Variants in RALGAPA2 observed in about 807,000 individuals in gnomAD.
RALGAPA2 encodes ral GTPase-activating protein subunit alpha-2.
RALGAPA2 carries 139 observed loss-of-function variants against 230.4 expected under a neutral mutation model. The observed-to-expected ratio is 0.60, with a 90% CI of 0.53 to 0.69. The LOEUF is 0.69. Among genes scored for constraint, RALGAPA2 ranks in the 30% least tolerant of loss-of-function variants. The pLI, the probability that RALGAPA2 is intolerant of heterozygous loss-of-function variation, is 0.00. For missense variants in RALGAPA2, 2,163 were observed against 2,276.0 expected, an observed-to-expected ratio of 0.95 and a Z score of 1.01; for synonymous variants, 847 against 837.8, an observed-to-expected ratio of 1.01 and a Z score of -0.19.
At chr20:20,454,794 G>C (rs764989333) in intron 37 of RALGAPA2, among the ~76,000 whole-genome samples, 2 of 152,206 alleles carry the variant, frequency 1.3e-5, no homozygotes, top group Non-Finnish European at 2.9e-5. Flanking sequence ...ATGATGTTTT[G>C]TGGGAAAGTA....
At chr20:20,530,634 G>A (rs1021756872) in intron 27 of RALGAPA2, among the ~76,000 whole-genome samples, 8 of 152,198 alleles carry the variant, frequency 5.3e-5, no homozygotes, top group African/African-American at 9.6e-5. Context: ...AGTCCCAGGC[G>A]TCAGCTGTAA....
intron 36 of RALGAPA2, among the ~76,000 whole-genome samples, chr20:20,482,841 G>T (rs143525550): frequency 6.8e-4 from 104 of 152,212 alleles, no homozygotes; most frequent in Non-Finnish European, 1.3e-3. Flanking sequence ...TAAGAGAAAA[G>T]GCTGAAGAAC....
At position 20,678,911 on chromosome 20, in the gene RALGAPA2, G is replaced by A. The variant is rs991627809; in HGVS notation, c.217+1780C>T. 2.6e-5 allele frequency among the ~76,000 whole-genome samples: 4 copies of A among 152,004 alleles called. No homozygotes were observed. In the East Asian group the frequency reaches 7.7e-4, roughly 29 times the overall value. The stretch of plus-strand genomic sequence containing the variant: ...CCCAGCTGCACCTCATGCACCAATA[G>A]GCTGACTCTACATGCCTTCAATTCT... On this transcript the variant is annotated intron_variant, in intron 2 of 39. Transcript: ENST00000202677.
At chr20:20,405,596 TGAA>T (rs2059928349) in intron 38 of RALGAPA2, among the ~76,000 whole-genome samples, 2 of 152,204 alleles carry the variant, frequency 1.3e-5, no homozygotes, top group African/African-American at 4.8e-5. Context: ...AACAAAGGGA[TGAA>T]GAAGCACGAA....
chr20:20,637,070 T>TTA (rs1281106767), intron 8 of RALGAPA2, among the ~76,000 whole-genome samples: 1 of 152,190 alleles, frequency 6.6e-6, no homozygotes, highest in Non-Finnish European at 1.5e-5. Context: ...GCAGAGATTT[T>TTA]TACATTAAAA....
At chr20:20,540,068 A>T (rs890019055) in intron 24 of RALGAPA2, among the ~76,000 whole-genome samples, 3 of 152,224 alleles carry the variant, frequency 2.0e-5, no homozygotes, top group African/African-American at 7.2e-5. Context: ...TGCACTGAAC[A>T]TGGGAGTGCA....
chr20:20,710,227 CAT>C (rs1317522744), intron 1 of RALGAPA2, among the ~76,000 whole-genome samples: 1 of 152,138 alleles, frequency 6.6e-6, no homozygotes, highest in Admixed American at 6.5e-5. Context: ...TAAATACACA[CAT>C]AAAAATACAA....
intron 23 of RALGAPA2, among the ~76,000 whole-genome samples, chr20:20,547,180 A>T (rs1381391054): frequency 6.6e-6 from 1 of 152,238 alleles, no homozygotes; most frequent in Non-Finnish European, 1.5e-5. Flanking sequence ...TCTATCACTA[A>T]AACAAATGTC....
chr20:20,514,141 C>G (rs1005451414), intron 31 of RALGAPA2, among the ~76,000 whole-genome samples: 1 of 152,086 alleles, frequency 6.6e-6, no homozygotes, highest in Admixed American at 6.5e-5. Flanking sequence ...GTAGGGCCCT[C>G]TCCACTCCAT....
intron 33 of RALGAPA2, among the ~76,000 whole-genome samples, chr20:20,508,306 A>C (rs888812903): frequency 2.0e-5 from 3 of 152,238 alleles, no homozygotes; most frequent in African/African-American, 7.2e-5. Context: ...CATAAGAAGC[A>C]CACCAATGCA....
At chr20:20,619,557 A>G in intron 11 of RALGAPA2, 143 bp from the exon 12 acceptor site, 1 of 672,224 alleles carries the variant, frequency 1.5e-6, no homozygotes, top group Non-Finnish European at 2.0e-6. Flanking sequence ...CAGGATTCAC[A>G]TGAAAATAGG....
At chr20:20,648,937 G>A (rs1036039282) in intron 4 of RALGAPA2, among the ~76,000 whole-genome samples, 4 of 152,160 alleles carry the variant, frequency 2.6e-5, no homozygotes, top group Non-Finnish European at 5.9e-5. Context: ...GATGGTCAGG[G>A]AGGTGAAAGA....
chr20:20,570,023 T>C (rs2064573340), intron 23 of RALGAPA2, among the ~76,000 whole-genome samples: 1 of 152,212 alleles, frequency 6.6e-6, no homozygotes, highest in Admixed American at 6.5e-5. Flanking sequence ...TACCCTGAGT[T>C]GCATCATTCT....
At chr20:20,465,428 G>A (rs2061400070) in intron 37 of RALGAPA2, among the ~76,000 whole-genome samples, 1 of 152,148 alleles carries the variant, frequency 6.6e-6, no homozygotes, top group Admixed American at 6.5e-5. Context: ...GAGACTCCCA[G>A]GTTAGGGGTC....
At chr20:20,609,995 A>C (rs920803016) in intron 14 of RALGAPA2, among the ~76,000 whole-genome samples, 4 of 152,236 alleles carry the variant, frequency 2.6e-5, no homozygotes, top group Admixed American at 2.6e-4. Flanking sequence ...GCATTGACTC[A>C]TATTAAGTTA....
Position 20,616,177 on chromosome 20 carries a change from G to A in RALGAPA2, c.1554C>T (p.Asn518=), listed in dbSNP as rs79642473. 7.6e-4 allele frequency: 1,156 copies of A among 1,519,904 alleles called. 11 individuals carry two copies. In the African/African-American group the frequency reaches 0.015, roughly 19 times the overall value. 94.2% of individuals were successfully genotyped at this position (1,519,904 alleles called of 1,614,324 possible). The stretch of plus-strand genomic sequence containing the variant: ...GTTCCAACAAAAAGATGTTTGCAGA[G>A]TTCGTCAAAAATACCTTAAAATCAA... ...VQALLQVFLT[N]SANIFLLEPC... Residue 518 remains asparagine (N), a synonymous_variant, in exon 13 of 40, where the codon AAC becomes AAT. Coordinates refer to ENST00000202677, the MANE Select transcript of RALGAPA2 (RefSeq NM_020343.4).
At chr20:20,659,417 C>T (rs898202051) in intron 3 of RALGAPA2, among the ~76,000 whole-genome samples, 1 of 152,152 alleles carries the variant, frequency 6.6e-6, no homozygotes, top group African/African-American at 2.4e-5. Flanking sequence ...TGAGGACCTG[C>T]TATACGTTTA....
In RALGAPA2 at chr20:20,392,269, C is replaced by T. The variant is rs2059617083; in HGVS notation, c.*1020G>A. 1 of 152,258 alleles carries T rather than the reference C, an allele frequency of 6.6e-6. No individual in the cohort carries two copies. The highest frequency in any genetic ancestry group is 1.5e-5 in the Non-Finnish European group (1 of 68,050). The allele number at this position is 152,258 out of a possible 1,614,324, so 9.4% of individuals were successfully genotyped here. A position where few individuals can be genotyped will look rare whatever the true frequency, so the allele number is the denominator to read the frequency against. Reference sequence around the variant, plus strand: ...GGGCAAAAATGTAAGGATTAAATCCCTCGCTTGGAATCGGCTACCAAAAGC... The same window carrying T: ...GGGCAAAAATGTAAGGATTAAATCCTTCGCTTGGAATCGGCTACCAAAAGC... On this transcript the variant is annotated 3_prime_UTR_variant, in exon 40 of 40. Coordinates refer to ENST00000202677, the MANE Select transcript of RALGAPA2 (RefSeq NM_020343.4).
chr20:20,505,722 A>G (rs186037313), intron 33 of RALGAPA2, among the ~76,000 whole-genome samples, 188 bp from the exon 34 acceptor site: 76 of 152,124 alleles, frequency 5.0e-4, no homozygotes, highest in African/African-American at 1.8e-3. Context: ...TGCTAAAGAG[A>G]TGAGTATTAT....
Sources: gnomAD v4.1 joint callset for allele counts (sites outside exome capture counted in the v4.1 genomes callset) on GRCh38, gnomAD v4.1.1 for gene constraint, MANE v1.5 for transcripts, NCBI Gene and HGNC (gene_info 2026-07-23, HGNC 2026-07-21) for gene names.